SPOCK2: variants seen among roughly 807,000 people sequenced by gnomAD.
The protein encoded by SPOCK2 is testican-2.
In SPOCK2, 39 loss-of-function variants were observed where a neutral mutation model predicts 60.1. The observed-to-expected ratio is 0.65, with a 90% CI of 0.50 to 0.85. The LOEUF (loss-of-function observed/expected upper bound fraction) is 0.85, where lower values mean the gene tolerates loss of function less well. SPOCK2 is among the 40% of genes least tolerant of loss of function. The probability of loss-of-function intolerance (pLI) is 0.00; values close to 1 mark genes in which losing one functional copy is unlikely to be tolerated. For missense variants in SPOCK2, 523 were observed against 567.4 expected (o/e 0.92, Z 0.80); for synonymous variants, 217 against 231.5 (o/e 0.94, Z 0.57).
At chr10:72,064,094 C>A in intron 9 of SPOCK2, 84 bp downstream of exon 9, 1 of 1,538,864 alleles carries the variant, frequency 6.5e-7, no homozygotes, top group Non-Finnish European at 8.8e-7. Flanking sequence ...TGCCATGAGG[C>A]CCAAGGCTGG....
At position 72,059,957 on chromosome 10, in the gene SPOCK2, T is replaced by C. The variant is rs1301999571; in HGVS notation, c.*2803A>G. The C allele has an allele frequency of 6.5e-6, 1 of 152,708 alleles. No homozygotes were observed. The highest frequency in any genetic ancestry group is 1.5e-5 in the Non-Finnish European group (1 of 68,088). The allele number at this position is 152,708 out of a possible 1,614,324, so 9.5% of individuals were successfully genotyped here. ...ACCAAGCAAGCAAGAAACCGTTCTT[T>C]GAACACATGGTTAAGCTTCTTCCAG... On this transcript the variant is annotated 3_prime_UTR_variant, in exon 11 of 11. Coordinates refer to ENST00000373109, the MANE Select transcript of SPOCK2 (RefSeq NM_001244950.2).
chr10:72,082,959 C>G (rs946912077), intron 1 of SPOCK2, among the ~76,000 whole-genome samples: 6 of 151,912 alleles, frequency 3.9e-5, no homozygotes, highest in Admixed American at 6.6e-5. Context: ...CATCAAACAT[C>G]AAGTCTGCCA....
chr10:72,072,653 C>T, intron 2 of SPOCK2, 105 bp from the exon 3 acceptor site: 1 of 1,527,108 alleles, frequency 6.5e-7, no homozygotes, highest in Non-Finnish European at 9.0e-7. Flanking sequence ...TGTCATGTGC[C>T]AATGGCCGTC....
chr10:72,080,847 C>T, intron 1 of SPOCK2, among the ~76,000 whole-genome samples: 1 of 152,160 alleles, frequency 6.6e-6, no homozygotes, highest in East Asian at 1.9e-4. Flanking sequence ...ATGCCTGCGC[C>T]AACACCCACC....
intron 5 of SPOCK2, among the ~76,000 whole-genome samples, chr10:72,069,573 T>C (rs1355841843): frequency 6.7e-6 from 1 of 148,904 alleles, no homozygotes; most frequent in Non-Finnish European, 1.5e-5. Flanking sequence ...GGCATCCCCC[T>C]CAGCCTCTCA....
At chr10:72,065,385 T>G (rs1420287830) in intron 8 of SPOCK2, among the ~76,000 whole-genome samples, 1 of 152,240 alleles carries the variant, frequency 6.6e-6, no homozygotes, top group Non-Finnish European at 1.5e-5. Flanking sequence ...GTGTTACAAC[T>G]GCCTGCAGTA....
intron 5 of SPOCK2, 111 bp from the exon 6 acceptor site, chr10:72,068,412 A>G: frequency 8.5e-7 from 1 of 1,176,970 alleles, no homozygotes; most frequent in Non-Finnish European, 1.2e-6. Context: ...CCCCCCATGG[A>G]GTGCCCATGA....
chr10:72,087,226 G>A lies in SPOCK2; in HGVS notation c.189+914C>T, dbSNP rs866172568. Among the ~76,000 whole-genome samples the A allele has an allele frequency of 1.3e-5, 2 of 149,936 alleles. No homozygotes were observed. The highest frequency in any genetic ancestry group is 4.9e-5 in the African/African-American group (2 of 40,752). ...CCGAGAGGAAGGAGCCAGCCCCGCC[G>A]GGCCGCCGCCTGCGACTTCCCCTCT... On this transcript the variant is annotated intron_variant, in intron 1 of 10. Coordinates refer to ENST00000373109, the MANE Select transcript of SPOCK2 (RefSeq NM_001244950.2). This position sits in a 1 kb window ranked among gnomAD's most constrained non-coding sequence, Gnocchi z 4.7.
intron 1 of SPOCK2, among the ~76,000 whole-genome samples, chr10:72,083,089 G>A (rs183141095): frequency 2.0e-4 from 31 of 152,250 alleles, no homozygotes; most frequent in Middle Eastern, 3.4e-3. Flanking sequence ...GAGATGATAC[G>A]TGTGTCCTCA....
intron 1 of SPOCK2, among the ~76,000 whole-genome samples, chr10:72,079,355 G>T (rs1840754217): frequency 6.6e-6 from 1 of 152,212 alleles, no homozygotes; most frequent in Non-Finnish European, 1.5e-5. Context: ...GAGTTTTGCA[G>T]CCAGGAGAGG....
intron 1 of SPOCK2, chr10:72,086,661 G>A (rs754159459): frequency 3.2e-6 from 4 of 1,259,320 alleles, no homozygotes; most frequent in Non-Finnish European, 4.0e-6. Context: ...AGGCTCCTGC[G>A]GCTGGACAGG....
intron 1 of SPOCK2, among the ~76,000 whole-genome samples, chr10:72,085,808 G>A (rs776078524): frequency 7.9e-5 from 12 of 152,200 alleles, no homozygotes; most frequent in African/African-American, 2.2e-4. Flanking sequence ...TATAAAGCCC[G>A]TTGCTACTGG....
Position 72,072,929 on chromosome 10 carries a change from C to T in SPOCK2, c.190-19G>A, listed in dbSNP as rs1391164700. ...CCACTTCCTGGAGATCAGGGAACAG[C>T]AGCAGGCCATGGAAAACGGAGCAGG... On this transcript the variant is annotated intron_variant, in intron 1 of 10. Transcript: ENST00000373109. The T allele has an allele frequency of 6.4e-7, 1 of 1,554,662 alleles. No individual in the cohort carries two copies. The highest frequency in any genetic ancestry group is 8.7e-7 in the Non-Finnish European group (1 of 1,148,600).
rs924832441 is a variant in SPOCK2, at chr10:72,059,521, C to T, written c.*3239G>A. On this transcript the variant is annotated 3_prime_UTR_variant, in exon 11 of 11. Transcript: ENST00000373109. ...TGGGACTGCCGCCAGCCCGCAGCCT[C>T]TCGACGACCCCAGGTATCAAAGCTC... is the stretch of plus-strand genomic sequence containing the variant. The T allele has an allele frequency of 6.6e-6, 1 of 152,250 alleles. No individual in the cohort carries two copies. Among genetic ancestry groups the T allele is most frequent in the South Asian group, 2.1e-4 (1 of 4,826 alleles). 9.4% of individuals were successfully genotyped at this position (152,250 alleles called of 1,614,324 possible).
chr10:72,083,090 T>C (rs188630863), intron 1 of SPOCK2, among the ~76,000 whole-genome samples: 6 of 152,188 alleles, frequency 3.9e-5, no homozygotes, highest in Non-Finnish European at 7.4e-5. Flanking sequence ...AGATGATACG[T>C]GTGTCCTCAG....
chr10:72,066,237 C>T (rs1235930094), intron 8 of SPOCK2, among the ~76,000 whole-genome samples: 1 of 152,194 alleles, frequency 6.6e-6, no homozygotes, highest in East Asian at 1.9e-4. Context: ...CACCGAGAAG[C>T]AAATGCATCT....
chr10:72,064,078 C>T, intron 9 of SPOCK2, 100 bp downstream of exon 9: 2 of 1,473,680 alleles, frequency 1.4e-6, no homozygotes, highest in Non-Finnish European at 9.2e-7. Context: ...CTCTGGGCTC[C>T]ATGTCTGCCA....
Position 72,063,049 on chromosome 10 carries a change from G to T in SPOCK2, c.1105C>A (p.Arg369Ser). The T allele has an allele frequency of 6.4e-7, 1 of 1,553,656 alleles. No individual in the cohort carries two copies. ...CCGCAGTCGGGGCTCCCATGCGTGC[G>T]CGTGCCAGTCAGCTCCAGGCCCAGC... ...DQLGLELTGT[R>S]THGSPDCDDI... The change falls in exon 10 of 11, where the codon CGC (arginine) becomes AGC (serine). Residue 369 changes from arginine (R) to serine (S), a missense_variant. Coordinates refer to ENST00000373109, the MANE Select transcript of SPOCK2 (RefSeq NM_001244950.2).
At position 72,087,255 on chromosome 10, in the gene SPOCK2, C is replaced by A. The variant is rs1211870660; in HGVS notation, c.189+885G>T. Reference sequence around the variant, plus strand: ...CGCCGCCTGCGACTTCCCCTCTGATCCACAGGTGCCGGTAAACAAAAGTGC... The same window carrying A: ...CGCCGCCTGCGACTTCCCCTCTGATACACAGGTGCCGGTAAACAAAAGTGC... On this transcript the variant is annotated intron_variant, in intron 1 of 10. Coordinates refer to ENST00000373109, the MANE Select transcript of SPOCK2 (RefSeq NM_001244950.2). This position sits in a 1 kb window ranked among gnomAD's most constrained non-coding sequence, Gnocchi z 4.7. Among the ~76,000 whole-genome samples, 1 of 152,004 alleles carries A rather than the reference C, an allele frequency of 6.6e-6. No homozygotes were observed. Among genetic ancestry groups the A allele is most frequent in the Non-Finnish European group, 1.5e-5 (1 of 67,998 alleles).
Sources: gnomAD v4.1 joint callset for allele counts (sites outside exome capture counted in the v4.1 genomes callset) on GRCh38, gnomAD v4.1.1 for gene constraint, Gnocchi (gnomAD v3.1) non-coding constraint, MANE v1.5 for transcripts, NCBI Gene and HGNC (gene_info 2026-07-23, HGNC 2026-07-21) for gene names.